NCOA7: variants seen among roughly 807,000 people sequenced by gnomAD.
NCOA7 encodes the protein 140 kDa estrogen receptor-associated protein.
A neutral mutation model predicts 104.3 loss-of-function variants in NCOA7; 45 were observed. The observed-to-expected ratio is 0.43, with a 90% CI of 0.34 to 0.55. The LOEUF (loss-of-function observed/expected upper bound fraction) is 0.55. Among genes scored for constraint, NCOA7 ranks in the 20% least tolerant of loss-of-function variants. NCOA7 has a pLI of 0.02. For missense variants in NCOA7, 1,041 were observed against 1,119.7 expected, an observed-to-expected ratio of 0.93 and a Z score of 1.00; for synonymous variants, 398 against 402.3, an observed-to-expected ratio of 0.99 and a Z score of 0.13.
At chr6:125,808,389 C>G (rs574874715) in intron 1 of NCOA7, among the ~76,000 whole-genome samples, 26 of 152,336 alleles carry the variant, frequency 1.7e-4, no homozygotes, top group African/African-American at 6.3e-4. Context: ...CACCACATCT[C>G]ATTTAATCAG....
At chr6:125,915,148 T>C (rs1171758436) in intron 10 of NCOA7, among the ~76,000 whole-genome samples, 185 bp from the exon 11 acceptor site, 1 of 152,224 alleles carries the variant, frequency 6.6e-6, no homozygotes, top group African/African-American at 2.4e-5. Flanking sequence ...TGTGGACTTT[T>C]ACTTTATTTG....
At chr6:125,824,376 A>G (rs1455152131) in intron 2 of NCOA7, among the ~76,000 whole-genome samples, 1 of 152,172 alleles carries the variant, frequency 6.6e-6, no homozygotes, top group Non-Finnish European at 1.5e-5. Flanking sequence ...TTTCTTCTCT[A>G]TAGAACTACT....
chr6:125,796,092 TCTTC>T (rs1359725917), intron 1 of NCOA7, among the ~76,000 whole-genome samples: 10 of 152,130 alleles, frequency 6.6e-5, no homozygotes, highest in Non-Finnish European at 1.0e-4. Flanking sequence ...TAGGGGCCTT[TCTTC>T]CTTGAGATTC....
At chr6:125,807,632 C>T (rs1266913684) in intron 1 of NCOA7, among the ~76,000 whole-genome samples, 1 of 152,196 alleles carries the variant, frequency 6.6e-6, no homozygotes, top group Non-Finnish European at 1.5e-5. Context: ...TTTCTACAGA[C>T]AGCCGAGGGC....
At chr6:125,787,395 A>G (rs1774523525), upstream of NCOA7, among the ~76,000 whole-genome samples, 1 of 152,204 alleles carries the variant, frequency 6.6e-6, no homozygotes, top group Non-Finnish European at 1.5e-5. Context: ...AAGCCCGCCT[A>G]CCTTAGCCCT....
intron 8 of NCOA7, among the ~76,000 whole-genome samples, chr6:125,887,758 C>T (rs1012111723): frequency 2.0e-5 from 3 of 152,094 alleles, no homozygotes; most frequent in African/African-American, 7.2e-5. Context: ...TTAGAAAATA[C>T]AATTATTTCT....
intron 2 of NCOA7, among the ~76,000 whole-genome samples, chr6:125,817,677 A>G (rs1390184425): frequency 6.6e-6 from 1 of 152,146 alleles, no homozygotes; most frequent in African/African-American, 2.4e-5. Context: ...GTGATTTGCA[A>G]ATATTTTCTC....
At chr6:125,822,963 A>C (rs917000408) in intron 2 of NCOA7, among the ~76,000 whole-genome samples, 8 of 148,830 alleles carry the variant, frequency 5.4e-5, no homozygotes, top group African/African-American at 1.2e-4. Flanking sequence ...ACAAAAAAAA[A>C]CATGCTGTTA....
intron 11 of NCOA7, 38 bp downstream of exon 11, chr6:125,915,518 A>G: frequency 6.2e-7 from 1 of 1,611,168 alleles, no homozygotes; most frequent in Non-Finnish European, 8.5e-7. Flanking sequence ...CGTAGTTCCT[A>G]AGGTACAGTA....
upstream of NCOA7, among the ~76,000 whole-genome samples, chr6:125,790,417 G>A (rs1045325974): frequency 1.6e-4 from 24 of 152,224 alleles, no homozygotes; most frequent in Admixed American, 1.3e-4. Flanking sequence ...GTTCGCTGGG[G>A]CAGCAAGGCG....
chr6:125,923,248 T>G (rs371685285), intron 13 of NCOA7, among the ~76,000 whole-genome samples: 2 of 152,154 alleles, frequency 1.3e-5, no homozygotes, highest in East Asian at 3.9e-4. Context: ...GTAGCCAAAG[T>G]AGTGCCCACA....
At chr6:125,834,875 G>A (rs1308077119) in intron 2 of NCOA7, among the ~76,000 whole-genome samples, 1 of 152,224 alleles carries the variant, frequency 6.6e-6, no homozygotes, top group Non-Finnish European at 1.5e-5. Flanking sequence ...TACAGAAATA[G>A]CATTGATTAG....
chr6:125,855,819 G>C (rs1353302600), intron 3 of NCOA7, among the ~76,000 whole-genome samples: 1 of 152,020 alleles, frequency 6.6e-6, no homozygotes, highest in South Asian at 2.1e-4. Flanking sequence ...AAGTAGCTGG[G>C]ATTACAGGTG....
Position 125,878,295 on chromosome 6 carries a change from A to G in NCOA7, c.384A>G (p.Ala128=). The change falls in exon 5 of 16, where the codon GCA becomes GCG. Residue 128 remains alanine, a synonymous_variant. Transcript: ENST00000392477. ...AGNQDTLNSI[A]LKFNITPNKL... is the part of the protein sequence containing the mutation. ...ACCAGGACACCCTAAACTCCATAGC[A>G]CTGAAATTTAACATCACTCCCAATA... 6.2e-7 allele frequency: 1 copy of G among 1,612,868 alleles called. No homozygotes were observed. Among genetic ancestry groups the G allele is most frequent in the African/African-American group, 1.3e-5 (1 of 75,002 alleles).
chr6:125,786,933 G>A (rs1774498207), upstream of NCOA7, among the ~76,000 whole-genome samples: 1 of 152,116 alleles, frequency 6.6e-6, no homozygotes, highest in African/African-American at 2.4e-5. Context: ...GATTGCTTGA[G>A]CCTAGGAGTT....
chr6:125,787,894 T>C (rs1398074185), upstream of NCOA7, among the ~76,000 whole-genome samples: 2 of 152,214 alleles, frequency 1.3e-5, no homozygotes, highest in South Asian at 4.1e-4. Flanking sequence ...AATTCCTATA[T>C]CCACCCTATA....
chr6:125,805,669 T>A (rs1179007091), intron 1 of NCOA7, among the ~76,000 whole-genome samples: 1 of 152,260 alleles, frequency 6.6e-6, no homozygotes, highest in Non-Finnish European at 1.5e-5. Flanking sequence ...TGTGTAACAG[T>A]ACTGAACAAA....
intron 2 of NCOA7, among the ~76,000 whole-genome samples, chr6:125,844,102 A>G (rs1780391478): frequency 6.6e-6 from 1 of 152,208 alleles, no homozygotes; most frequent in African/African-American, 2.4e-5. Context: ...TAACAGTACA[A>G]GGAAATCCTA....
At chr6:125,837,639 A>G (rs931187885) in intron 2 of NCOA7, among the ~76,000 whole-genome samples, 10 of 151,596 alleles carry the variant, frequency 6.6e-5, no homozygotes, top group African/African-American at 1.9e-4. Context: ...TTCTCTCACT[A>G]TATTTCTTTT....
Sources: gnomAD v4.1 joint callset for allele counts (sites outside exome capture counted in the v4.1 genomes callset) on GRCh38, gnomAD v4.1.1 for gene constraint, MANE v1.5 for transcripts, NCBI Gene and HGNC (gene_info 2026-07-23, HGNC 2026-07-21) for gene names.